The following KIAA1210 variants were observed in gnomAD, a reference collection of about 807,000 sequenced individuals.
KIAA1210 encodes the protein acrosomal protein KIAA1210.
KIAA1210 carries 48 observed loss-of-function variants against 78.9 expected under a neutral mutation model. That is an observed-to-expected ratio of 0.61 (90% confidence interval 0.48 to 0.77). The LOEUF is 0.77. Ranked by LOEUF, KIAA1210 falls within the 30% of genes least tolerant of loss-of-function variation. The pLI is 0.00. For synonymous variants in KIAA1210, 406 were observed against 404.5 expected, an observed-to-expected ratio of 1.00 and a Z score of -0.04; for missense variants, 1,108 against 1,100.0, an observed-to-expected ratio of 1.01 and a Z score of -0.10.
upstream of KIAA1210, among the ~76,000 whole-genome samples, chrX:119,150,957 A>G (rs1929285789): frequency 8.9e-6 from 1 of 112,424 alleles, no homozygotes; most frequent in African/African-American, 3.2e-5. Flanking sequence ...TGAGGCAAGC[A>G]TGAAAGCTAG....
chrX:119,144,376 G>A (rs1246486932), intron 2 of KIAA1210, among the ~76,000 whole-genome samples: 2 of 112,632 alleles, frequency 1.8e-5, no homozygotes, highest in African/African-American at 6.5e-5. Flanking sequence ...ACTGAATCTG[G>A]ATGAAAGCAC....
chrX:119,092,800 T>TAAATAAAA (rs10680347), intron 8 of KIAA1210, among the ~76,000 whole-genome samples: 72 of 107,262 alleles, frequency 6.7e-4, no homozygotes, highest in African/African-American at 2.1e-3. Flanking sequence ...AATAAATAAA[T>TAAATAAAA]AAAAATAAAG....
intron 6 of KIAA1210, among the ~76,000 whole-genome samples, chrX:119,101,029 G>A (rs1329808544): frequency 1.8e-5 from 2 of 112,113 alleles, no homozygotes; most frequent in South Asian, 7.5e-4. Flanking sequence ...CCTTGGGCCA[G>A]GGGAAAGGAT....
intron 4 of KIAA1210, 50 bp from the exon 5 acceptor site, chrX:119,108,521 A>G (rs1310132220): frequency 8.6e-7 from 1 of 1,169,001 alleles, no homozygotes; most frequent in South Asian, 2.0e-5. Context: ...GCCAGCACAT[A>G]AACAGTGGAA....
At chrX:119,131,765 TA>T (rs1233692743), upstream of KIAA1210, among the ~76,000 whole-genome samples, 4 of 111,792 alleles carry the variant, frequency 3.6e-5, no homozygotes, top group Non-Finnish European at 5.7e-5. Context: ...ACCCCTTAGC[TA>T]ACAGCCATCA....
Position 119,079,676 on chromosome X carries a change from C to A in KIAA1210, c.*1653G>T, listed in dbSNP as rs1926880695. On this transcript the variant is annotated 3_prime_UTR_variant, in exon 12 of 12. Coordinates refer to ENST00000691062, the MANE Select transcript of KIAA1210 (RefSeq NM_001394962.1). ...ACATTTGCTGGGCCACTTGCCCCCT[C>A]CCCTCACAGCTGACCATCCCTCTCA... is the stretch of plus-strand genomic sequence containing the variant. 1 of 111,538 alleles carries A rather than the reference C, an allele frequency of 9.0e-6. No individual in the cohort carries two copies. The highest frequency in any genetic ancestry group is 3.8e-4 in the South Asian group (1 of 2,609). 9.2% of individuals were successfully genotyped at this position (111,538 alleles called of 1,213,427 possible). A position where few individuals can be genotyped will look rare whatever the true frequency, so the allele number is the denominator to read the frequency against.
At chrX:119,134,064 G>A (rs1169178474) in intron 2 of KIAA1210, among the ~76,000 whole-genome samples, 1 of 110,923 alleles carries the variant, frequency 9.0e-6, no homozygotes, top group Admixed American at 9.6e-5. Context: ...TGGAACATTA[G>A]AACTGATTCT....
chrX:119,088,530 T>C lies in KIAA1210; in HGVS notation c.2172A>G (p.Glu724=), dbSNP rs747388624. ...GCTGCTGCATAAAATCATTCTGCTCTTCAGGAGTATTATTTGAAGCAGAGG... is the reference window on the plus strand; with the variant it reads ...GCTGCTGCATAAAATCATTCTGCTCCTCAGGAGTATTATTTGAAGCAGAGG... ...EVSSASNNTP[E]EQNDFMQQLP... is the part of the protein sequence containing the mutation. The change falls in exon 9 of 12, where the codon GAA becomes GAG. Residue 724 remains glutamate (E), a synonymous_variant. Coordinates refer to ENST00000691062, the MANE Select transcript of KIAA1210 (RefSeq NM_001394962.1). The C allele has an allele frequency of 4.1e-6, 5 of 1,211,036 alleles. No individual in the cohort carries two copies. Among genetic ancestry groups the C allele is most frequent in the Non-Finnish European group, 4.5e-6 (4 of 895,093 alleles).
At chrX:119,105,247 G>A in intron 5 of KIAA1210, 100 bp from the exon 6 acceptor site, 1 of 882,304 alleles carries the variant, frequency 1.1e-6, no homozygotes. Context: ...GGAATCCAAA[G>A]TTGGTTGAAG....
intron 6 of KIAA1210, among the ~76,000 whole-genome samples, chrX:119,099,597 G>C (rs756508797): frequency 3.6e-5 from 4 of 112,251 alleles, no homozygotes; most frequent in East Asian, 5.6e-4. Context: ...TGTTATGTGG[G>C]TATAGATTAT....
upstream of KIAA1210, among the ~76,000 whole-genome samples, chrX:119,130,410 C>A (rs1928761751): frequency 8.9e-6 from 1 of 112,865 alleles, no homozygotes; most frequent in Non-Finnish European, 1.9e-5. Flanking sequence ...AGGTACCGGC[C>A]ACCCATGCCC....
At position 119,080,687 on chromosome X, in the gene KIAA1210, T is replaced by C. The variant is rs1037840626; in HGVS notation, c.*642A>G. The C allele has an allele frequency of 9.8e-5, 11 of 112,442 alleles. No individual in the cohort carries two copies. Among genetic ancestry groups the C allele is most frequent in the African/African-American group, 3.6e-4 (11 of 30,978 alleles). 9.3% of individuals were successfully genotyped at this position (112,442 alleles called of 1,213,427 possible). A position where few individuals can be genotyped will look rare whatever the true frequency, so the allele number is the denominator to read the frequency against. ...GCACATTGTCCAAAGTTAAAGATTT[T>C]GCAATTTTACAGCAGTGCAAATGTT... On this transcript the variant is annotated 3_prime_UTR_variant, in exon 12 of 12. Transcript: ENST00000691062.
intron 1 of KIAA1210, among the ~76,000 whole-genome samples, chrX:119,149,442 A>C (rs1309451787): frequency 9.0e-6 from 1 of 111,250 alleles, no homozygotes; most frequent in Non-Finnish European, 1.9e-5. Flanking sequence ...CCGAATTGTC[A>C]GGGCCAAATG....
chrX:119,123,993 C>T (rs1429967492), intron 1 of KIAA1210, among the ~76,000 whole-genome samples: 2 of 110,608 alleles, frequency 1.8e-5, no homozygotes, highest in African/African-American at 6.6e-5. Flanking sequence ...TTTTTGTTTG[C>T]TTGTTTTTTG....
Position 119,088,213 on chromosome X carries a change from A to C in KIAA1210, c.2489T>G (p.Ile830Ser). ...QQNMFSGSEDIAVERVISVEP... is the reference protein window; with the variant it reads ...QQNMFSGSEDSAVERVISVEP... ...CACAGAAATGACTCTCTCAACAGCA[A>C]TGTCCTCTGAACCTGAGAACATGTT... The change falls in exon 9 of 12, where the codon ATT (isoleucine) becomes AGT (serine). Residue 830 changes from isoleucine to serine, a missense_variant. Ile to Ser is a moderately radical substitution (Grantham distance 142). Transcript: ENST00000691062. The C allele has an allele frequency of 1.7e-6, 2 of 1,211,295 alleles. No individual in the cohort carries two copies. Among genetic ancestry groups the C allele is most frequent in the Non-Finnish European group, 1.1e-6 (1 of 895,097 alleles).
chrX:119,134,565 G>A (rs1048833436), intron 2 of KIAA1210, among the ~76,000 whole-genome samples: 4 of 111,932 alleles, frequency 3.6e-5, no homozygotes, highest in Non-Finnish European at 7.5e-5. Flanking sequence ...TGAACATCTG[G>A]ATCATCAAAC....
At chrX:119,099,615 T>A (rs1243780293) in intron 6 of KIAA1210, among the ~76,000 whole-genome samples, 3 of 112,435 alleles carry the variant, frequency 2.7e-5, no homozygotes, top group African/African-American at 6.5e-5. Flanking sequence ...TATATGTATA[T>A]GTTATGACTT....
intron 11 of KIAA1210, 141 bp downstream of exon 11, chrX:119,082,874 T>A (rs988392929): frequency 2.5e-6 from 1 of 397,615 alleles, no homozygotes; most frequent in Non-Finnish European, 4.3e-6. Flanking sequence ...AGCTAATATT[T>A]GTATCTAATT....
chrX:119,116,350 T>C, intron 3 of KIAA1210, 146 bp downstream of exon 3: 1 of 519,641 alleles, frequency 1.9e-6, no homozygotes, highest in Non-Finnish European at 3.1e-6. Flanking sequence ...CCCCCGGACA[T>C]GACTGCATTG....
Sources: gnomAD v4.1 joint callset for allele counts (sites outside exome capture counted in the v4.1 genomes callset) on GRCh38, gnomAD v4.1.1 for gene constraint, MANE v1.5 for transcripts, NCBI Gene and HGNC (gene_info 2026-07-23, HGNC 2026-07-21) for gene names.